The following TMEM74 variants were observed in gnomAD, a reference collection of about 807,000 sequenced individuals.
TMEM74 encodes the protein transmembrane protein 74.
TMEM74 carries 13 observed loss-of-function variants against 18.1 expected under a neutral mutation model. That is an observed-to-expected ratio of 0.72 (90% confidence interval 0.47 to 1.14). The LOEUF (loss-of-function observed/expected upper bound fraction) is 1.14, where lower values mean the gene tolerates loss of function less well. TMEM74 is among the 50% of genes most tolerant of loss of function. TMEM74 has a pLI of 0.00. For missense variants in TMEM74, 372 were observed against 375.9 expected, an observed-to-expected ratio of 0.99 and a Z score of 0.09; for synonymous variants, 159 against 146.6, an observed-to-expected ratio of 1.08 and a Z score of -0.61.
intron 2 of TMEM74, among the ~76,000 whole-genome samples, chr8:108,644,354 A>C (rs1334327586): frequency 6.6e-6 from 1 of 152,164 alleles, no homozygotes; most frequent in East Asian, 1.9e-4. Context: ...AAATTAACTC[A>C]AGATGGATTA....
intron 1 of TMEM74, among the ~76,000 whole-genome samples, chr8:108,687,778 G>T (rs1813185894): frequency 6.6e-6 from 1 of 152,078 alleles, no homozygotes. Flanking sequence ...CTTGCAGGAG[G>T]CAGAGGTCAG....
intron 2 of TMEM74, among the ~76,000 whole-genome samples, chr8:108,631,625 T>C (rs1452485184): frequency 6.6e-6 from 1 of 152,030 alleles, no homozygotes; most frequent in Non-Finnish European, 1.5e-5. Context: ...TAGACCTTTG[T>C]CGGATGCATA....
intron 2 of TMEM74, among the ~76,000 whole-genome samples, chr8:108,652,213 T>C (rs947318903): frequency 6.6e-6 from 1 of 152,184 alleles, no homozygotes; most frequent in African/African-American, 2.4e-5. Context: ...CATCAATATA[T>C]ACAAATATTG....
At chr8:108,687,476 G>A (rs1813182653) in intron 1 of TMEM74, among the ~76,000 whole-genome samples, 2 of 152,008 alleles carry the variant, frequency 1.3e-5, no homozygotes, top group Admixed American at 6.6e-5. Context: ...GGACAGGGTC[G>A]AGGATGTTTT....
intron 1 of TMEM74, among the ~76,000 whole-genome samples, chr8:108,769,660 G>T (rs1419150738): frequency 2.0e-5 from 3 of 151,982 alleles, no homozygotes; most frequent in African/African-American, 7.3e-5. Flanking sequence ...AGAGACATTT[G>T]TCATTCCACT....
chr8:108,771,513 T>C (rs1179194599), intron 1 of TMEM74, among the ~76,000 whole-genome samples: 1 of 152,200 alleles, frequency 6.6e-6, no homozygotes, highest in Non-Finnish European at 1.5e-5. Context: ...TTCTGTCTGG[T>C]CTTATGTATA....
chr8:108,629,226 G>A (rs982998236), intron 2 of TMEM74, among the ~76,000 whole-genome samples: 3 of 151,898 alleles, frequency 2.0e-5, no homozygotes, highest in Non-Finnish European at 4.4e-5. Context: ...GTGCAAGAAA[G>A]GATATCAGAG....
chr8:108,679,829 A>G (rs546331344), intron 1 of TMEM74, among the ~76,000 whole-genome samples: 19 of 152,296 alleles, frequency 1.2e-4, no homozygotes, highest in Non-Finnish European at 2.5e-4. Flanking sequence ...GCCCATGCCT[A>G]TGTCCTGAAT....
intron 1 of TMEM74, among the ~76,000 whole-genome samples, chr8:108,698,044 C>T (rs111363346): frequency 0.031 from 4,729 of 152,120 alleles, 132 homozygotes; most frequent in African/African-American, 0.071. Flanking sequence ...TCCTTAATCA[C>T]GAAAGTCTGT....
rs1426424379 is a variant in TMEM74, at chr8:108,783,454, C to T, written c.*727G>A. 2 of 152,172 alleles carry T rather than the reference C, an allele frequency of 1.3e-5. No homozygotes were observed. The highest frequency in any genetic ancestry group is 2.9e-5 in the Non-Finnish European group (2 of 68,038). The allele number at this position is 152,172 out of a possible 1,614,324, so 9.4% of individuals were successfully genotyped here. On this transcript the variant is annotated 3_prime_UTR_variant, in exon 2 of 2. Coordinates refer to ENST00000297459, the MANE Select transcript of TMEM74 (RefSeq NM_153015.3). ...AAACTTATATCAGTAACTAATTTGACTTCATTTTAAAAAAGAGCCTGTGAC... is the reference window on the plus strand; with the variant it reads ...AAACTTATATCAGTAACTAATTTGATTTCATTTTAAAAAAGAGCCTGTGAC...
At position 108,784,199 on chromosome 8, in the gene TMEM74, C is replaced by T. The variant is rs750837121; in HGVS notation, c.900G>A (p.Ala300=). The T allele has an allele frequency of 1.1e-5, 18 of 1,609,394 alleles. No individual in the cohort carries two copies. Among genetic ancestry groups the T allele is most frequent in the African/African-American group, 9.4e-5 (7 of 74,746 alleles). The part of the protein sequence containing the change: ...TLELSLVEED[A]LAVQS ...ACCAGAATTAACTCTGTACAGCAAG[C>T]GCATCTTCCTCTACCAAGGACAGTT... Residue 300 remains alanine (A), a synonymous_variant, in exon 2 of 2, where the codon GCG becomes GCA. Transcript: ENST00000297459.
intron 1 of TMEM74, among the ~76,000 whole-genome samples, chr8:108,786,263 G>A (rs1814384110): frequency 6.6e-6 from 1 of 152,206 alleles, no homozygotes; most frequent in African/African-American, 2.4e-5. Context: ...ACTTTGGTTT[G>A]AGCAGAAAAC....
chr8:108,745,317 G>A (rs1813838434), intron 1 of TMEM74, among the ~76,000 whole-genome samples: 1 of 152,102 alleles, frequency 6.6e-6, no homozygotes, highest in African/African-American at 2.4e-5. Context: ...ACTTAACTCT[G>A]CTGTTGGAGG....
chr8:108,688,983 TGCCAAGGGAATGGGGG>T (rs1813198187), intron 1 of TMEM74, among the ~76,000 whole-genome samples: 1 of 152,206 alleles, frequency 6.6e-6, no homozygotes, highest in Admixed American at 6.5e-5. Context: ...CAAGTCTGTA[TGCCAAGGGAATGGGGG>T]TGATGGTGAA....
At chr8:108,704,180 GCAAGAGGGGACTGAAAC>G (rs1373407884) in intron 1 of TMEM74, among the ~76,000 whole-genome samples, 1 of 152,196 alleles carries the variant, frequency 6.6e-6, no homozygotes, top group African/African-American at 2.4e-5. Context: ...AACAAGGAAT[GCAAGAGGGGACTGAAAC>G]CTATGCTTTC....
intron 1 of TMEM74, among the ~76,000 whole-genome samples, chr8:108,757,563 C>T (rs575196069): frequency 6.6e-6 from 1 of 151,710 alleles, no homozygotes; most frequent in Non-Finnish European, 1.5e-5. Flanking sequence ...TGAGAAAGAA[C>T]CTTAACAAAG....
intron 1 of TMEM74, among the ~76,000 whole-genome samples, chr8:108,657,472 G>A (rs1812831208): frequency 6.6e-6 from 1 of 151,978 alleles, no homozygotes; most frequent in Non-Finnish European, 1.5e-5. Flanking sequence ...GTTTGTAAGT[G>A]CTCTGAAGCA....
At chr8:108,617,848 C>G (rs1268765055) in intron 2 of TMEM74, among the ~76,000 whole-genome samples, 1 of 151,982 alleles carries the variant, frequency 6.6e-6, no homozygotes, top group Non-Finnish European at 1.5e-5. Context: ...AAAAGTTTAC[C>G]AGTGTTGAAC....
At chr8:108,701,788 G>T (rs1376650549) in intron 1 of TMEM74, among the ~76,000 whole-genome samples, 2 of 152,146 alleles carry the variant, frequency 1.3e-5, no homozygotes, top group Non-Finnish European at 2.9e-5. Flanking sequence ...TAAAGAGTCA[G>T]TATTGTCAAG....
Sources: allele counts gnomAD v4.1 joint callset (sites outside exome capture counted in the v4.1 genomes callset), GRCh38; gene constraint gnomAD v4.1.1; transcripts MANE v1.5; gene names NCBI Gene and HGNC (gene_info 2026-07-23, HGNC 2026-07-21).